Variants in MAF observed in about 807,000 individuals in gnomAD.
The protein encoded by MAF is MAF bZIP transcription factor, also known as transcription factor Maf.
MAF carries 10 observed loss-of-function variants against 22.0 expected under a neutral mutation model. That is an observed-to-expected ratio of 0.45 (90% CI 0.28 to 0.77). The LOEUF (loss-of-function observed/expected upper bound fraction) is 0.77, where lower values mean the gene tolerates loss of function less well. Ranked by LOEUF, MAF falls within the 30% of genes least tolerant of loss-of-function variation. The probability of loss-of-function intolerance (pLI) is 0.12; values close to 1 mark genes in which losing one functional copy is unlikely to be tolerated. For missense variants in MAF, 544 were observed against 548.4 expected, an observed-to-expected ratio of 0.99 and a Z score of 0.08; for synonymous variants, 337 against 255.8, an observed-to-expected ratio of 1.32 and a Z score of -3.03.
the MAF span, among the ~76,000 whole-genome samples, chr16:79,324,550 C>G: frequency 4.6e-5 from 7 of 152,168 alleles, no homozygotes; most frequent in African/African-American, 1.7e-4. Flanking sequence ...TATAAGCAAG[C>G]ATTATCTTTA....
At chr16:79,462,159 T>A in the MAF span, among the ~76,000 whole-genome samples, 2 of 152,230 alleles carry the variant, frequency 1.3e-5, no homozygotes, top group Non-Finnish European at 2.9e-5. Context: ...GTGATACCGA[T>A]AATAATGGCC....
chr16:79,208,290 C>G, the MAF span, among the ~76,000 whole-genome samples: 2 of 152,118 alleles, frequency 1.3e-5, no homozygotes, highest in Non-Finnish European at 1.5e-5. Flanking sequence ...CAACCTAACT[C>G]ATTGCCATTG....
the MAF span, among the ~76,000 whole-genome samples, chr16:79,576,231 T>TAAAA: frequency 8.4e-4 from 36 of 43,012 alleles, 2 homozygotes; most frequent in Non-Finnish European, 1.1e-3. Flanking sequence ...CCTGTGGTAC[T>TAAAA]AAAAAAAAAA....
chr16:79,480,533 C>T, the MAF span, among the ~76,000 whole-genome samples: 17 of 152,200 alleles, frequency 1.1e-4, no homozygotes, highest in Middle Eastern at 3.4e-3. Context: ...AAAGGCCATT[C>T]GAGCTGGGCT....
the MAF span, among the ~76,000 whole-genome samples, chr16:79,511,097 C>T: frequency 2.3e-5 from 1 of 44,058 alleles, no homozygotes; most frequent in South Asian, 8.7e-4. Context: ...TCTCCCCGCG[C>T]ACAATGGCGG....
the MAF span, among the ~76,000 whole-genome samples, chr16:79,380,172 T>C: frequency 6.6e-6 from 1 of 152,172 alleles, no homozygotes; most frequent in East Asian, 1.9e-4. Context: ...AAATCCCAGT[T>C]TCCTATTGGC....
At chr16:79,573,257 C>T in the MAF span, among the ~76,000 whole-genome samples, 2 of 152,192 alleles carry the variant, frequency 1.3e-5, no homozygotes, top group Non-Finnish European at 2.9e-5. Flanking sequence ...TTTTGCTCTG[C>T]ATAAGTTTTA....
the MAF span, among the ~76,000 whole-genome samples, chr16:79,413,237 T>C: frequency 1.3e-5 from 1 of 78,132 alleles, no homozygotes; most frequent in Non-Finnish European, 2.5e-5. Context: ...TTTTTTTTTT[T>C]TTTTTTTTTT....
chr16:79,553,356 G>C, the MAF span, among the ~76,000 whole-genome samples: 1 of 152,204 alleles, frequency 6.6e-6, no homozygotes, highest in Admixed American at 6.5e-5. Flanking sequence ...TGGACCCCTG[G>C]CCCAGAGACA....
chr16:79,231,144 G>A, the MAF span, among the ~76,000 whole-genome samples: 83 of 152,158 alleles, frequency 5.5e-4, 3 homozygotes, highest in Non-Finnish European at 9.3e-4. Context: ...CCACGATACT[G>A]TCTCCACCTG....
the MAF span, among the ~76,000 whole-genome samples, chr16:79,294,700 T>A: frequency 6.6e-6 from 1 of 152,202 alleles, no homozygotes; most frequent in South Asian, 2.1e-4. Context: ...ACCACTATCA[T>A]GCTAGATAGT....
At chr16:79,416,039 G>A in the MAF span, among the ~76,000 whole-genome samples, 1 of 152,046 alleles carries the variant, frequency 6.6e-6, no homozygotes, top group Admixed American at 6.5e-5. Context: ...GGTTGCGCCC[G>A]AGCACAGCAC....
the MAF span, among the ~76,000 whole-genome samples, chr16:79,300,559 A>C: frequency 3.4e-5 from 3 of 87,892 alleles, no homozygotes; most frequent in South Asian, 8.9e-4. Flanking sequence ...ATCTCAAAAC[A>C]AACAAACAAA....
the MAF span, among the ~76,000 whole-genome samples, chr16:79,237,968 G>T: frequency 6.6e-6 from 1 of 152,084 alleles, no homozygotes; most frequent in Non-Finnish European, 1.5e-5. Context: ...TCTTAGACGG[G>T]AATCTTCCTC....
the MAF span, among the ~76,000 whole-genome samples, chr16:79,470,798 G>A: frequency 5.9e-5 from 9 of 152,256 alleles, no homozygotes; most frequent in South Asian, 6.2e-4. Context: ...ATGGGTGAAC[G>A]GATGAATGGA....
chr16:79,277,272 C>T, the MAF span, among the ~76,000 whole-genome samples: 4 of 152,122 alleles, frequency 2.6e-5, no homozygotes, highest in Admixed American at 6.5e-5. Context: ...CAAAGGAATT[C>T]GCATACAGGG....
chr16:79,299,212 G>T, the MAF span, among the ~76,000 whole-genome samples: 1 of 152,138 alleles, frequency 6.6e-6, no homozygotes, highest in African/African-American at 2.4e-5. Context: ...GCTGTGACCA[G>T]GAAATCCCAC....
the MAF span, among the ~76,000 whole-genome samples, chr16:79,450,162 G>A: frequency 9.7e-4 from 147 of 152,264 alleles, 1 homozygote; most frequent in African/African-American, 3.4e-3. Context: ...AGAGTTACAC[G>A]CAGAGTAACG....
the MAF span, among the ~76,000 whole-genome samples, chr16:79,341,785 C>G: frequency 6.6e-6 from 1 of 152,070 alleles, no homozygotes; most frequent in Admixed American, 6.5e-5. Flanking sequence ...AGTCATAAAG[C>G]CAAGAGATGG....
Sources: gnomAD v4.1 joint callset for allele counts (sites outside exome capture counted in the v4.1 genomes callset) on GRCh38, gnomAD v4.1.1 for gene constraint, MANE v1.5 for transcripts, NCBI Gene and HGNC (gene_info 2026-07-23, HGNC 2026-07-21) for gene names.